Variants in BOC observed in about 807,000 individuals in gnomAD.
The protein encoded by BOC is BOC cell adhesion associated, oncogene regulated.
Under a neutral mutation model 112.0 loss-of-function variants are expected in BOC, and 76 were observed. The ratio of observed to expected loss-of-function variants is 0.68; its 90% CI spans 0.56 to 0.82. The LOEUF (loss-of-function observed/expected upper bound fraction) is 0.82. Among genes scored for constraint, BOC ranks in the 40% least tolerant of loss-of-function variants. The pLI is 0.00. For synonymous variants in BOC, 580 were observed against 599.8 expected (o/e 0.97, Z 0.48); for missense variants, 1,309 against 1,511.7 (o/e 0.87, Z 2.22).
At chr3:113,238,897 T>C (rs1943921534) in intron 2 of BOC, among the ~76,000 whole-genome samples, 1 of 152,208 alleles carries the variant, frequency 6.6e-6, no homozygotes, top group Non-Finnish European at 1.5e-5. Context: ...TTGGTTGAGC[T>C]TAATGTTTTA....
chr3:113,283,554 G>C lies in BOC; in HGVS notation c.2578G>C (p.Gly860Arg), dbSNP rs773446561. 1.2e-6 allele frequency: 2 copies of C among 1,613,856 alleles called. No individual in the cohort carries two copies. The highest frequency in any genetic ancestry group is 2.2e-5 in the East Asian group (1 of 44,842). Residue 860 changes from glycine to arginine, a missense_variant, in exon 16 of 20, where the codon GGG (glycine) becomes CGG (arginine). By Grantham distance (125) the Gly-to-Arg change is moderately radical. Transcript: ENST00000682979. ...RSSDLPYLIVGVVLGSIVLII... is the reference protein window; with the variant it reads ...RSSDLPYLIVRVVLGSIVLII... ...CAGCGACCTGCCCTATCTGATTGTCGGGGTCGTCCTGGGCTCCATCGTTCT... is the reference window on the plus strand; with the variant it reads ...CAGCGACCTGCCCTATCTGATTGTCCGGGTCGTCCTGGGCTCCATCGTTCT...
Position 113,241,940 on chromosome 3 carries a change from G to A in BOC, c.-81-7782G>A, listed in dbSNP as rs1338148481. ...AGAAGGGAGGAGGAGGAGGCTGGAG[G>A]CAGGGTGGAGAGAGGGAGGTTGAGG... On this transcript the variant is annotated intron_variant, in intron 2 of 19. Coordinates refer to ENST00000682979, the MANE Select transcript of BOC (RefSeq NM_001378074.1). Among the ~76,000 whole-genome samples the A allele has an allele frequency of 2.0e-5, 3 of 152,106 alleles. No individual in the cohort carries two copies. In the East Asian group the frequency reaches 5.8e-4, roughly 29 times the overall value.
chr3:113,240,037 T>C (rs1944084571), intron 2 of BOC, among the ~76,000 whole-genome samples: 1 of 152,224 alleles, frequency 6.6e-6, no homozygotes, highest in South Asian at 2.1e-4. Flanking sequence ...GAGCTGAGGC[T>C]GGCTTCCGGA....
At chr3:113,276,296 C>A (rs558652418) in intron 9 of BOC, among the ~76,000 whole-genome samples, 2 of 152,236 alleles carry the variant, frequency 1.3e-5, no homozygotes, top group Admixed American at 6.5e-5. Context: ...CAGGCTCAGG[C>A]CGCATTCACC....
chr3:113,220,719 C>T (rs2107613481), intron 2 of BOC, among the ~76,000 whole-genome samples: 1 of 152,314 alleles, frequency 6.6e-6, no homozygotes, highest in Middle Eastern at 3.4e-3. Flanking sequence ...GTCGTGTTGT[C>T]AGAGACCCTC....
chr3:113,283,717 A>G, intron 16 of BOC, 85 bp downstream of exon 16: 1 of 1,335,818 alleles, frequency 7.5e-7, no homozygotes, highest in East Asian at 2.3e-5. Context: ...GTCTGTGTCC[A>G]TGGAAAGCTC....
In BOC at chr3:113,216,316, T is replaced by G. The variant is rs780002454; in HGVS notation, c.-82+42T>G. ...CTTCAGTCTGATAGCTCTGGCCTATTAGGTCAGCCATTTGTTCATGTTTTG... is the reference window on the plus strand; with the variant it reads ...CTTCAGTCTGATAGCTCTGGCCTATGAGGTCAGCCATTTGTTCATGTTTTG... On this transcript the variant is annotated intron_variant, in intron 2 of 19. Coordinates refer to ENST00000682979, the MANE Select transcript of BOC (RefSeq NM_001378074.1). The G allele has an allele frequency of 1.3e-5, 6 of 454,978 alleles. No homozygotes were observed. In the Middle Eastern group the frequency reaches 2.0e-3, roughly 148 times the overall value. The allele number at this position is 454,978 out of a possible 1,614,324, so 28.2% of individuals were successfully genotyped here. A position where few individuals can be genotyped will look rare whatever the true frequency, so the allele number is the denominator to read the frequency against.
intron 15 of BOC, 122 bp downstream of exon 15, chr3:113,281,275 T>C (rs1314977399): frequency 3.3e-6 from 4 of 1,208,696 alleles, no homozygotes; most frequent in Non-Finnish European, 4.6e-6. Context: ...GTTTTCCAAA[T>C]ACCCTCAGAC....
At position 113,264,842 on chromosome 3, in the gene BOC, G is replaced by A. The variant is rs79728453; in HGVS notation, c.377-3457G>A. 3.9e-5 allele frequency among the ~76,000 whole-genome samples: 6 copies of A among 152,326 alleles called. No individual in the cohort carries two copies. In the East Asian group the frequency reaches 1.2e-3, roughly 29 times the overall value. The stretch of plus-strand genomic sequence containing the variant: ...GGGGGAGGGGGGATAGAGGGTAGGA[G>A]GGACAGGGCCAAGGACCGAACTGCT... On this transcript the variant is annotated intron_variant, in intron 4 of 19. Transcript: ENST00000682979.
intron 2 of BOC, among the ~76,000 whole-genome samples, chr3:113,237,808 G>A (rs1943766496): frequency 6.6e-6 from 1 of 152,164 alleles, no homozygotes; most frequent in African/African-American, 2.4e-5. Flanking sequence ...TGCCACACAT[G>A]TCCTTGGTCA....
At chr3:113,214,403 A>G (rs1203271286) in intron 1 of BOC, among the ~76,000 whole-genome samples, 1 of 152,168 alleles carries the variant, frequency 6.6e-6, no homozygotes, top group Non-Finnish European at 1.5e-5. Context: ...GAAAAAGGAG[A>G]GCAAGAAGTG....
chr3:113,282,939 G>T (rs994919359), intron 15 of BOC, among the ~76,000 whole-genome samples: 9 of 152,150 alleles, frequency 5.9e-5, no homozygotes, highest in Non-Finnish European at 1.0e-4. Flanking sequence ...GTGTCCTCGT[G>T]AGTCCGGGAA....
intron 2 of BOC, among the ~76,000 whole-genome samples, chr3:113,248,956 G>A (rs372535336): frequency 5.3e-5 from 8 of 152,246 alleles, no homozygotes; most frequent in African/African-American, 1.9e-4. Flanking sequence ...CTAGCACCGG[G>A]AGCAGAGAGA....
At chr3:113,216,735 C>T (rs1023380658) in intron 2 of BOC, among the ~76,000 whole-genome samples, 5 of 152,150 alleles carry the variant, frequency 3.3e-5, no homozygotes, top group African/African-American at 1.2e-4. Context: ...TTTCTCTTTT[C>T]CTAATAGTGA....
chr3:113,214,035 C>T (rs886865835), intron 1 of BOC, among the ~76,000 whole-genome samples: 1 of 152,170 alleles, frequency 6.6e-6, no homozygotes, highest in African/African-American at 2.4e-5. Flanking sequence ...AAGAGACATT[C>T]GCTAGGGAGC....
rs139434929 is a variant in BOC, at chr3:113,268,368, C to T, written c.446C>T (p.Ala149Val). ...EVDEGNTAVI[A>V]CHLPESHPKA... ...GATGAGGGAAACACAGCAGTCATTGCCTGCCACCTGCCTGAGAGCCACCCC... is the reference window on the plus strand; with the variant it reads ...GATGAGGGAAACACAGCAGTCATTGTCTGCCACCTGCCTGAGAGCCACCCC... Residue 149 changes from alanine to valine, a missense_variant, in exon 5 of 20, where the codon GCC becomes GTC. Ala to Val is a moderately conservative substitution (Grantham distance 64). Coordinates refer to ENST00000682979, the MANE Select transcript of BOC (RefSeq NM_001378074.1). The T allele has an allele frequency of 3.0e-5, 48 of 1,614,130 alleles. No individual in the cohort carries two copies. The African/African-American group carries it at 5.1e-4, about 17-fold the overall frequency.
intron 7 of BOC, among the ~76,000 whole-genome samples, 174 bp downstream of exon 7, chr3:113,272,877 G>A (rs775896669): frequency 2.6e-5 from 4 of 151,910 alleles, no homozygotes; most frequent in Admixed American, 1.3e-4. Context: ...GTAAGAGCAC[G>A]CAGTCCTGGA....
rs1260764062 is a variant in BOC at position 113,284,361 on chromosome 3, C to T, written c.2683C>T (p.Arg895Ter). 8.1e-6 allele frequency: 13 copies of T among 1,614,084 alleles called. No homozygotes were observed. The highest frequency in any genetic ancestry group is 1.3e-5 in the African/African-American group (1 of 74,934). ...QKHTTDLGFP[R>*]SALPPSCPYT... ...ACATACAACAGACCTGGGTTTTCCT[C>T]GAAGTGCCCTTCCACCCTCCTGCCC... The change falls in exon 17 of 20, where the codon CGA (arginine) becomes TGA (stop). Residue 895 changes from arginine to a stop codon, truncating the protein, a stop_gained. Transcript: ENST00000682979. LOFTEE classifies it high-confidence loss of function.
chr3:113,278,322 G>A lies in BOC; in HGVS notation c.1705+65G>A, dbSNP rs1948856499. On this transcript the variant is annotated intron_variant, in intron 10 of 19. Transcript: ENST00000682979. The surrounding 1 kb of genome is among the most constrained non-coding windows in gnomAD (Gnocchi z 4.2). ...GGTCTAAGCAAGTTCCACTGGCCCAGGTGAGAATTCCTGCTCACCTTGCCC... is the reference window on the plus strand; with the variant it reads ...GGTCTAAGCAAGTTCCACTGGCCCAAGTGAGAATTCCTGCTCACCTTGCCC... 2.6e-6 allele frequency: 4 copies of A among 1,547,104 alleles called. No homozygotes were observed. The highest frequency in any genetic ancestry group is 3.5e-5 in the Admixed American group (2 of 57,428).
Sources: gnomAD v4.1 joint callset for allele counts (sites outside exome capture counted in the v4.1 genomes callset) on GRCh38, gnomAD v4.1.1 for gene constraint, Gnocchi (gnomAD v3.1) non-coding constraint, MANE v1.5 for transcripts, NCBI Gene and HGNC (gene_info 2026-07-23, HGNC 2026-07-21) for gene names.